Variants in PBX4 observed in about 807,000 individuals in gnomAD.
PBX4 encodes the protein PBX homeobox 4, also known as pre-B-cell leukemia transcription factor 4.
PBX4 carries 26 observed loss-of-function variants against 35.1 expected under a neutral mutation model. That is an observed-to-expected ratio of 0.74 (90% CI 0.54 to 1.03). PBX4 has a LOEUF of 1.03. Among genes scored for constraint, PBX4 ranks in the 50% least tolerant of loss-of-function variants. PBX4 has a pLI of 0.00. For missense variants in PBX4, 448 were observed against 504.3 expected (o/e 0.89, Z 1.07); for synonymous variants, 199 against 204.2 (o/e 0.97, Z 0.22).
At chr19:19,587,657 C>A (rs992678789) in intron 2 of PBX4, among the ~76,000 whole-genome samples, 1 of 147,444 alleles carries the variant, frequency 6.8e-6, no homozygotes, top group Admixed American at 6.8e-5. Flanking sequence ...TCCCACCACA[C>A]ACCAAAGGTT....
At position 19,561,790 on chromosome 19, in the gene PBX4, T is replaced by G; in HGVS notation, c.*235A>C. The G allele has an allele frequency of 4.4e-6, 2 of 451,048 alleles. No individual in the cohort carries two copies. Among genetic ancestry groups the G allele is most frequent in the South Asian group, 3.8e-5 (1 of 26,406 alleles). The allele number at this position is 451,048 out of a possible 1,614,324, so 27.9% of individuals were successfully genotyped here. On this transcript the variant is annotated 3_prime_UTR_variant, in exon 8 of 8. Transcript: ENST00000251203. ...GACAATTCAATTCATAGCGTTACCA[T>G]AAAATTACTGTCAAAAAAACGAACT...
In PBX4 at chr19:19,561,926, TG is replaced by T; in HGVS notation, c.*98del. ...GGGCTCATGGGCACCACCACCCATC[TG>T]GGTTTTCTGAGGTCGTCGGCGGCAC... On this transcript the variant is annotated 3_prime_UTR_variant, in exon 8 of 8. Transcript: ENST00000251203. The T allele has an allele frequency of 1.9e-6, 2 of 1,029,352 alleles. No individual in the cohort carries two copies. The highest frequency in any genetic ancestry group is 2.8e-6 in the Non-Finnish European group (2 of 715,746). 63.8% of individuals were successfully genotyped at this position (1,029,352 alleles called of 1,614,324 possible).
rs538002332 is a variant in PBX4, at chr19:19,567,818, C to T, written c.768+1631G>A. ...ACCACGTCACCTCAGGGGGCTCACA[C>T]TCCACAGCATCCCCCAGGGAACTCA... On this transcript the variant is annotated intron_variant, in intron 5 of 7. Coordinates refer to ENST00000251203, the MANE Select transcript of PBX4 (RefSeq NM_025245.3). Among the ~76,000 whole-genome samples the T allele has an allele frequency of 2.0e-5, 3 of 152,138 alleles. No homozygotes were observed. In the East Asian group the frequency reaches 5.8e-4, roughly 29 times the overall value.
intron 1 of PBX4, among the ~76,000 whole-genome samples, chr19:19,604,838 G>A (rs2061620237): frequency 1.3e-5 from 2 of 151,858 alleles, no homozygotes; most frequent in Non-Finnish European, 2.9e-5. Context: ...CTGACCTCAT[G>A]ATCCACTTGC....
chr19:19,603,064 C>T (rs544468803), intron 1 of PBX4, among the ~76,000 whole-genome samples: 1 of 152,282 alleles, frequency 6.6e-6, no homozygotes, highest in East Asian at 1.9e-4. Flanking sequence ...CCCATTCCTT[C>T]CTGAGGAAAT....
intron 2 of PBX4, among the ~76,000 whole-genome samples, chr19:19,579,618 T>C (rs1247372645): frequency 2.0e-5 from 3 of 152,218 alleles, no homozygotes; most frequent in Admixed American, 6.5e-5. Flanking sequence ...CCCAGCCCCA[T>C]AGGGAGAAGG....
intron 1 of PBX4, 54 bp downstream of exon 1, chr19:19,618,457 G>C: frequency 7.4e-7 from 1 of 1,358,968 alleles, no homozygotes; most frequent in East Asian, 3.1e-5. Context: ...CCCTCAGCCC[G>C]CCAACCTCAC....
chr19:19,569,701 G>A, intron 4 of PBX4, 117 bp from the exon 5 acceptor site: 2 of 1,356,900 alleles, frequency 1.5e-6, no homozygotes, highest in Non-Finnish European at 2.0e-6. Flanking sequence ...CTTGAGGTCA[G>A]GAGTTCGAGA....
intron 1 of PBX4, among the ~76,000 whole-genome samples, chr19:19,612,800 C>T (rs1372324749): frequency 1.3e-5 from 2 of 151,930 alleles, no homozygotes; most frequent in Non-Finnish European, 2.9e-5. Context: ...CCTGTGTTAT[C>T]AAGCATGAAT....
chr19:19,604,925 C>T (rs1323867532), intron 1 of PBX4, among the ~76,000 whole-genome samples: 3 of 151,912 alleles, frequency 2.0e-5, no homozygotes, highest in Non-Finnish European at 4.4e-5. Flanking sequence ...ATAAGGTATA[C>T]AGTCATTGAT....
chr19:19,579,281 G>A (rs188761238), intron 2 of PBX4, among the ~76,000 whole-genome samples: 8 of 152,024 alleles, frequency 5.3e-5, no homozygotes, highest in South Asian at 2.1e-4. Context: ...CCTGGGAGGC[G>A]GAGGTTGCAG....
At chr19:19,608,344 T>A (rs2061643353) in intron 1 of PBX4, 1 of 145,866 alleles carries the variant, frequency 6.9e-6, no homozygotes, top group African/African-American at 2.6e-5. Context: ...AGTGAGACCC[T>A]GTCTCAAAAA....
chr19:19,570,669 T>C lies in PBX4; in HGVS notation c.358A>G (p.Asn120Asp). The C allele has an allele frequency of 6.2e-7, 1 of 1,614,168 alleles. No homozygotes were observed. Among genetic ancestry groups the C allele is most frequent in the Non-Finnish European group, 8.5e-7 (1 of 1,180,020 alleles). Residue 120 changes from asparagine (N) to aspartate (D), a missense_variant, in exon 3 of 8, where the codon AAT becomes GAT. By Grantham distance (23) the Asn-to-Asp change is conservative (BLOSUM62 1). Transcript: ENST00000251203. ...CTGTAGTCAGAGTGCTCAATGCTATTGTCATTTGGACAGCCACCTGGTGTT... is the reference window on the plus strand; with the variant it reads ...CTGTAGTCAGAGTGCTCAATGCTATCGTCATTTGGACAGCCACCTGGTGTT... ...TATPGGCPND[N>D]SIEHSDYRAK...
chr19:19,572,603 G>A (rs1365835629), intron 2 of PBX4, among the ~76,000 whole-genome samples: 8 of 151,820 alleles, frequency 5.3e-5, no homozygotes, highest in Middle Eastern at 3.4e-3. Flanking sequence ...AGTGGCTCAC[G>A]CCTGTAATCC....
Position 19,582,433 on chromosome 19 carries a change from T to C in PBX4, c.194-11600A>G, listed in dbSNP as rs181057144. ...ACACACCAGCAGAAGAACACACCAA[T>C]AGACACTGGCGGGCCATTGATGGTG... On this transcript the variant is annotated intron_variant, in intron 2 of 7. Transcript: ENST00000251203. 2.0e-3 allele frequency among the ~76,000 whole-genome samples: 302 copies of C among 152,028 alleles called. 1 individual carries two copies. Among genetic ancestry groups the C allele is most frequent in the African/African-American group, 6.6e-3 (275 of 41,462 alleles).
chr19:19,581,249 C>T, intron 2 of PBX4, among the ~76,000 whole-genome samples: 1 of 152,058 alleles, frequency 6.6e-6, no homozygotes. Context: ...CTTTCTTTTC[C>T]CCAGTAGTTC....
chr19:19,601,446 T>A (rs113239535), intron 1 of PBX4, among the ~76,000 whole-genome samples: 2,260 of 152,158 alleles, frequency 0.015, 77 homozygotes, highest in South Asian at 0.076. Flanking sequence ...CTTGCTTGGG[T>A]TGGGAACTAT....
At chr19:19,584,394 C>T (rs897651861) in intron 2 of PBX4, among the ~76,000 whole-genome samples, 1 of 152,176 alleles carries the variant, frequency 6.6e-6, no homozygotes, top group African/African-American at 2.4e-5. Flanking sequence ...AGGGAGGTCC[C>T]TCCTCGGCTC....
Position 19,562,024 on chromosome 19 carries a change from C to A in PBX4, c.*1G>T. ...CGCTCTTTCCTGCTTATCCCCCAAA[C>A]TTAATTAGATGTACTGGAGTTGATG... On this transcript the variant is annotated 3_prime_UTR_variant, in exon 8 of 8. Transcript: ENST00000251203. This position sits in a 1 kb window ranked among gnomAD's most constrained non-coding sequence, Gnocchi z 4.8. The A allele has an allele frequency of 6.2e-7, 1 of 1,611,014 alleles. No homozygotes were observed. Among genetic ancestry groups the A allele is most frequent in the Non-Finnish European group, 8.5e-7 (1 of 1,178,284 alleles).
Sources: allele counts gnomAD v4.1 joint callset (sites outside exome capture counted in the v4.1 genomes callset), GRCh38; gene constraint gnomAD v4.1.1; non-coding constraint Gnocchi (gnomAD v3.1); transcripts MANE v1.5; gene names NCBI Gene and HGNC (gene_info 2026-07-23, HGNC 2026-07-21).